Variants in CEP112 observed in about 807,000 individuals in gnomAD.
The protein encoded by CEP112 is centrosomal protein of 112 kDa.
CEP112 carries 127 observed loss-of-function variants against 153.0 expected under a neutral mutation model. The observed-to-expected ratio is 0.83, with a 90% confidence interval of 0.72 to 0.96. The LOEUF is 0.96. Among genes scored for constraint, CEP112 ranks in the 40% least tolerant of loss-of-function variants. CEP112 has a pLI of 0.00. For missense variants in CEP112, 1,089 were observed against 1,101.2 expected, an observed-to-expected ratio of 0.99 and a Z score of 0.16; for synonymous variants, 358 against 374.4, an observed-to-expected ratio of 0.96 and a Z score of 0.51.
At chr17:65,968,163 G>A (rs1256902041) in intron 17 of CEP112, among the ~76,000 whole-genome samples, 3 of 152,004 alleles carry the variant, frequency 2.0e-5, no homozygotes, top group Non-Finnish European at 4.4e-5. Flanking sequence ...AATAGGTGAG[G>A]ACCACTTCTT....
chr17:65,890,347 T>C, intron 20 of CEP112, among the ~76,000 whole-genome samples: 1 of 152,330 alleles, frequency 6.6e-6, no homozygotes, highest in East Asian at 1.9e-4. Context: ...ATATTAATCA[T>C]GCTACTCTTT....
At chr17:66,024,951 T>C (rs1406719655) in intron 16 of CEP112, among the ~76,000 whole-genome samples, 3 of 152,040 alleles carry the variant, frequency 2.0e-5, no homozygotes, top group Non-Finnish European at 4.4e-5. Context: ...AATAGATCAG[T>C]AGAACAGAAT....
chr17:66,142,072 T>C (rs2070725320), intron 4 of CEP112, among the ~76,000 whole-genome samples: 1 of 152,208 alleles, frequency 6.6e-6, no homozygotes, highest in African/African-American at 2.4e-5. Flanking sequence ...TAATAGTCAT[T>C]CTAACAGGTG....
rs111355424 is a variant in CEP112, at chr17:65,878,291, A to G, written c.2163+23861T>C. The stretch of plus-strand genomic sequence containing the variant: ...GATTGTGGTGATTATTCCACAATGT[A>G]TATGTATGCTAAAACATCAAATTAT... On this transcript the variant is annotated intron_variant, in intron 20 of 26. Transcript: ENST00000535342. 9.7e-3 allele frequency among the ~76,000 whole-genome samples: 1,480 copies of G among 152,302 alleles called. 30 individuals carry two copies. Among genetic ancestry groups the G allele is most frequent in the African/African-American group, 0.034 (1,410 of 41,562 alleles).
At chr17:66,165,243 GC>G (rs36118619) in intron 4 of CEP112, among the ~76,000 whole-genome samples, 26,809 of 151,132 alleles carry the variant, frequency 0.18, 2,584 homozygotes, top group Non-Finnish European at 0.22. Flanking sequence ...CAACACAGTA[GC>G]CCCTAATCAC....
chr17:65,914,484 C>T (rs902688818), intron 19 of CEP112, among the ~76,000 whole-genome samples: 5 of 151,930 alleles, frequency 3.3e-5, no homozygotes, highest in Non-Finnish European at 7.4e-5. Context: ...ATTCGAAAAA[C>T]AGAATTACAA....
In CEP112 at chr17:65,748,862, A is replaced by T. The variant is rs1257416354; in HGVS notation, c.2457+1800T>A. On this transcript the variant is annotated intron_variant, in intron 22 of 26. Coordinates refer to ENST00000535342, the MANE Select transcript of CEP112 (RefSeq NM_001199165.4). ...CTTCTTCATACATTCCTTTAGATAA[A>T]TACTCCTGTTTACACTCTCATTATT... 6.6e-5 allele frequency among the ~76,000 whole-genome samples: 10 copies of T among 152,148 alleles called. No individual in the cohort carries two copies. In the South Asian group the frequency reaches 1.5e-3, roughly 22 times the overall value.
intron 24 of CEP112, among the ~76,000 whole-genome samples, chr17:65,685,362 G>T (rs1049415897): frequency 2.6e-5 from 4 of 152,062 alleles, no homozygotes; most frequent in Non-Finnish European, 5.9e-5. Context: ...TTTAAAGCAA[G>T]CAAGTTAAAA....
intron 2 of CEP112, among the ~76,000 whole-genome samples, chr17:66,177,966 A>C (rs1246119775): frequency 6.6e-6 from 1 of 152,048 alleles, no homozygotes; most frequent in Non-Finnish European, 1.5e-5. Flanking sequence ...TTGTCTGTTG[A>C]TGGACACTTA....
chr17:66,092,129 T>A (rs1297511968), intron 8 of CEP112, among the ~76,000 whole-genome samples: 1 of 150,522 alleles, frequency 6.6e-6, no homozygotes, highest in African/African-American at 2.4e-5. Context: ...AACCCCCACC[T>A]CCCAGGTTCA....
At chr17:65,999,192 A>G (rs1327933329) in intron 17 of CEP112, among the ~76,000 whole-genome samples, 1 of 144,792 alleles carries the variant, frequency 6.9e-6, no homozygotes, top group Non-Finnish European at 1.5e-5. Flanking sequence ...AGAAATTACT[A>G]AATTCTTTTT....
chr17:65,870,983 G>A (rs897818253), intron 20 of CEP112, among the ~76,000 whole-genome samples: 5 of 152,234 alleles, frequency 3.3e-5, no homozygotes, highest in South Asian at 2.1e-4. Context: ...TGCCAGTTCT[G>A]TATTAGCTGC....
chr17:65,768,053 C>G (rs576311216), intron 21 of CEP112, among the ~76,000 whole-genome samples: 5 of 152,186 alleles, frequency 3.3e-5, no homozygotes, highest in African/African-American at 1.2e-4. Flanking sequence ...GACCACCCCC[C>G]AAATGCAGTC....
At chr17:66,026,083 T>G (rs1291351653) in intron 16 of CEP112, among the ~76,000 whole-genome samples, 4 of 151,944 alleles carry the variant, frequency 2.6e-5, no homozygotes, top group African/African-American at 9.7e-5. Context: ...TGGGTACACA[T>G]GAACGTAGAG....
chr17:65,999,928 C>T (rs952406028), intron 17 of CEP112, among the ~76,000 whole-genome samples: 1 of 152,140 alleles, frequency 6.6e-6, no homozygotes, highest in Non-Finnish European at 1.5e-5. Flanking sequence ...GCATAGTATT[C>T]CATGGTGTAT....
chr17:66,009,102 T>C (rs558291884), intron 16 of CEP112, among the ~76,000 whole-genome samples: 1 of 152,210 alleles, frequency 6.6e-6, no homozygotes, highest in South Asian at 2.1e-4. Flanking sequence ...TTGAGATACT[T>C]CCATACTGTT....
At chr17:65,971,456 TATCA>T (rs1352730516) in intron 17 of CEP112, among the ~76,000 whole-genome samples, 1 of 87,188 alleles carries the variant, frequency 1.1e-5, no homozygotes, top group Admixed American at 1.5e-4. Context: ...CATGCATGCA[TATCA>T]CACACATGTA....
intron 4 of CEP112, among the ~76,000 whole-genome samples, chr17:66,150,123 A>C: frequency 7.3e-6 from 1 of 136,500 alleles, no homozygotes. Context: ...GATGGTCTCG[A>C]TCTCTCGACC....
At chr17:66,095,522 G>A (rs1482980961) in intron 8 of CEP112, among the ~76,000 whole-genome samples, 2 of 152,140 alleles carry the variant, frequency 1.3e-5, no homozygotes, top group African/African-American at 4.8e-5. Flanking sequence ...ACAAGGAGTG[G>A]AGTTGGGAGA....
Sources: allele counts gnomAD v4.1 joint callset (sites outside exome capture counted in the v4.1 genomes callset), GRCh38; gene constraint gnomAD v4.1.1; transcripts MANE v1.5; gene names NCBI Gene and HGNC (gene_info 2026-07-23, HGNC 2026-07-21).